TLR3: variants seen among roughly 807,000 people sequenced by gnomAD.
TLR3 encodes toll like receptor 3, also known as toll-like receptor 3.
TLR3 carries 43 observed loss-of-function variants against 66.4 expected under a neutral mutation model. The observed-to-expected ratio is 0.65, with a 90% confidence interval of 0.51 to 0.83. TLR3 has a LOEUF of 0.83. Among genes scored for constraint, TLR3 ranks in the 40% least tolerant of loss-of-function variants. TLR3 has a pLI of 0.00. For synonymous variants in TLR3, 397 were observed against 397.2 expected (o/e 1.00, Z 0.01); for missense variants, 982 against 1,044.6 (o/e 0.94, Z 0.83).
chr4:186,079,201 C>CA (rs1481134060), intron 3 of TLR3, among the ~76,000 whole-genome samples, 170 bp downstream of exon 3: 1 of 152,104 alleles, frequency 6.6e-6, no homozygotes, highest in Non-Finnish European at 1.5e-5. Flanking sequence ...CTCAGGCAGC[C>CA]CCAGGAGAGG....
chr4:186,083,529 T>C lies in TLR3; in HGVS notation c.1843T>C (p.Leu615=). The C allele has an allele frequency of 6.2e-7, 1 of 1,611,478 alleles. No homozygotes were observed. The highest frequency in any genetic ancestry group is 8.5e-7 in the Non-Finnish European group (1 of 1,179,092). Residue 615 remains leucine (L), a synonymous_variant, in exon 4 of 5, where the codon TTG becomes CTG. Coordinates refer to ENST00000296795, the MANE Select transcript of TLR3 (RefSeq NM_003265.3). This position sits in a 1 kb window ranked among gnomAD's most constrained non-coding sequence, Gnocchi z 4.0. ...TAATAATCAGGTGTCTCTAAAGTCA[T>C]TGAACCTTCAGAAGAATCTCATAAC... ...VFNNQVSLKS[L]NLQKNLITSV... is the part of the protein sequence containing the mutation.
intron 2 of TLR3, among the ~76,000 whole-genome samples, 182 bp from the exon 3 acceptor site, chr4:186,078,658 A>G (rs1233055684): frequency 6.6e-6 from 1 of 152,196 alleles, no homozygotes. Context: ...CATCACAAAG[A>G]TTATAACGTA....
Position 186,083,063 on chromosome 4 carries a change from C to T in TLR3, c.1377C>T (p.Phe459=), listed in dbSNP as rs3775290. 0.3 allele frequency: 487,359 copies of T among 1,613,800 alleles called. 74,728 individuals are homozygous for T. Among genetic ancestry groups the T allele is most frequent in the East Asian group, 0.35 (15,865 of 44,856 alleles). The change falls in exon 4 of 5, where the codon TTC becomes TTT. Residue 459 remains phenylalanine (F), a synonymous_variant. Coordinates refer to ENST00000296795, the MANE Select transcript of TLR3 (RefSeq NM_003265.3). This position sits in a 1 kb window ranked among gnomAD's most constrained non-coding sequence, Gnocchi z 4.0. The part of the protein sequence containing the change: ...GQEWRGLENI[F]EIYLSYNKYL... ...AATGGAGAGGTCTAGAAAATATTTTCGAAATCTATCTTTCCTACAACAAGT... is the reference window on the plus strand; with the variant it reads ...AATGGAGAGGTCTAGAAAATATTTTTGAAATCTATCTTTCCTACAACAAGT...
At chr4:186,069,702 TTAGA>T (rs1383336855) in intron 1 of TLR3, among the ~76,000 whole-genome samples, 5 of 152,202 alleles carry the variant, frequency 3.3e-5, no homozygotes, top group Admixed American at 1.3e-4. Context: ...TGACAATGTC[TTAGA>T]TAGGAGAGAA....
At chr4:186,077,432 A>G (rs1441345200) in intron 2 of TLR3, among the ~76,000 whole-genome samples, 1 of 152,200 alleles carries the variant, frequency 6.6e-6, no homozygotes. Context: ...GACTTAAATA[A>G]AATTAACAAA....
rs1377772420 is a variant in TLR3, at chr4:186,087,929, C to G, written c.*3056C>G. The G allele has an allele frequency of 6.6e-6, 1 of 152,064 alleles. No homozygotes were observed. The highest frequency in any genetic ancestry group is 2.4e-5 in the African/African-American group (1 of 41,410). The allele number at this position is 152,064 out of a possible 1,614,324, so 9.4% of individuals were successfully genotyped here. A position where few individuals can be genotyped will look rare whatever the true frequency, so the allele number is the denominator to read the frequency against. On this transcript the variant is annotated 3_prime_UTR_variant, in exon 5 of 5. Transcript: ENST00000296795. ...AGACCTTTTTTGGGTGATGAAAGTG[C>G]TCTATAATTGGGTTATGGTAATAAT...
At position 186,083,323 on chromosome 4, in the gene TLR3, G is replaced by A. The variant is rs1446816702; in HGVS notation, c.1637G>A (p.Trp546Ter). 2 of 1,614,110 alleles carry A rather than the reference G, an allele frequency of 1.2e-6. No homozygotes were observed. The highest frequency in any genetic ancestry group is 1.7e-6 in the Non-Finnish European group (2 of 1,180,024). Residue 546 changes from tryptophan to a stop codon, truncating the protein, a stop_gained, in exon 4 of 5, where the codon TGG (tryptophan) becomes TAG (stop). Transcript: ENST00000296795. LOFTEE classifies it high-confidence loss of function. This position sits in a 1 kb window ranked among gnomAD's most constrained non-coding sequence, Gnocchi z 4.0. ...CAGCATAACAACTTAGCACGGCTCT[G>A]GAAACACGCAAACCCTGGTGGTCCC... ...DLQHNNLARL[W>*]KHANPGGPIY...
In TLR3 at chr4:186,076,650, T is replaced by TG. The variant is rs757908313; in HGVS notation, c.38dup (p.Leu14ProfsTer18). The TG allele has an allele frequency of 6.2e-7, 1 of 1,614,034 alleles. No homozygotes were observed. On this transcript the variant is annotated frameshift_variant, in exon 2 of 5. Transcript: ENST00000296795. LOFTEE classifies it high-confidence loss of function. ...ACAGACTTTGCCTTGTATCTACTTT[T>TG]GGGGGGGCCTTTTGCCCTTTGGGAT...
chr4:186,070,633 C>T (rs890798628), intron 1 of TLR3, among the ~76,000 whole-genome samples: 3 of 151,210 alleles, frequency 2.0e-5, no homozygotes, highest in Admixed American at 1.3e-4. Flanking sequence ...AGGGATCCTC[C>T]AGCCTCAGCT....
chr4:186,083,230 A>G lies in TLR3; in HGVS notation c.1544A>G (p.Asn515Ser). 2 of 1,614,186 alleles carry G rather than the reference A, an allele frequency of 1.2e-6. No individual in the cohort carries two copies. Among genetic ancestry groups the G allele is most frequent in the Non-Finnish European group, 1.7e-6 (2 of 1,180,020 alleles). The change falls in exon 4 of 5, where the codon AAC becomes AGC. Residue 515 changes from asparagine (N) to serine (S), a missense_variant. Asn to Ser is a conservative substitution (Grantham distance 46, BLOSUM62 1). Coordinates refer to ENST00000296795, the MANE Select transcript of TLR3 (RefSeq NM_003265.3). The surrounding 1 kb of genome is among the most constrained non-coding windows in gnomAD (Gnocchi z 4.0). ...LRNLTILDLS[N>S]NNIANINDDM... Reference sequence around the variant, plus strand: ...AACTTGACCATTCTGGATCTAAGCAACAACAACATAGCCAACATAAATGAT... The same window carrying G: ...AACTTGACCATTCTGGATCTAAGCAGCAACAACATAGCCAACATAAATGAT...
At chr4:186,080,245 T>C (rs2099303205) in intron 3 of TLR3, among the ~76,000 whole-genome samples, 1 of 152,110 alleles carries the variant, frequency 6.6e-6, no homozygotes, top group Non-Finnish European at 1.5e-5. Flanking sequence ...GATATTAAGA[T>C]GTTTTGTGCA....
rs1356534115 is a variant in TLR3 at position 186,085,413 on chromosome 4, T to C, written c.*540T>C. The C allele has an allele frequency of 6.5e-6, 1 of 153,450 alleles. No individual in the cohort carries two copies. The highest frequency in any genetic ancestry group is 2.0e-4 in the South Asian group (1 of 4,912). 9.5% of individuals were successfully genotyped at this position (153,450 alleles called of 1,614,324 possible). A position where few individuals can be genotyped will look rare whatever the true frequency, so the allele number is the denominator to read the frequency against. On this transcript the variant is annotated 3_prime_UTR_variant, in exon 5 of 5. Transcript: ENST00000296795. ...GTTAAATGTTAAATATTTTTTAATA[T>C]ACATACCCAAGGGCAGAAAACATTT...
In TLR3 at chr4:186,083,559, G is replaced by A. The variant is rs772808268; in HGVS notation, c.1873G>A (p.Val625Ile). 2.2e-5 allele frequency: 35 copies of A among 1,612,910 alleles called. No individual in the cohort carries two copies. Among genetic ancestry groups the A allele is most frequent in the East Asian group, 6.7e-5 (3 of 44,882 alleles). The part of the protein sequence containing the change: ...LNLQKNLITS[V>I]EKKVFGPAFR... ...CCTTCAGAAGAATCTCATAACATCC[G>A]TTGAGAAGAAGGTTTTCGGGCCAGC... is the stretch of plus-strand genomic sequence containing the variant. Residue 625 changes from valine (V) to isoleucine (I), a missense_variant, in exon 4 of 5, where the codon GTT becomes ATT. This residue lies in a region of TLR3 where 666 missense variants were observed against 709.0 expected (regional missense o/e 0.94). Coordinates refer to ENST00000296795, the MANE Select transcript of TLR3 (RefSeq NM_003265.3). The surrounding 1 kb of genome is among the most constrained non-coding windows in gnomAD (Gnocchi z 4.0).
intron 1 of TLR3, among the ~76,000 whole-genome samples, chr4:186,073,036 C>T (rs183491404): frequency 6.6e-6 from 1 of 152,158 alleles, no homozygotes; most frequent in Admixed American, 6.5e-5. Context: ...TGGGAGGTTT[C>T]GCTCACTGAA....
At chr4:186,071,427 G>T (rs934514518) in intron 1 of TLR3, among the ~76,000 whole-genome samples, 2 of 152,218 alleles carry the variant, frequency 1.3e-5, no homozygotes, top group African/African-American at 2.4e-5. Context: ...AGGAAGTTCT[G>T]AAGGAACTGG....
rs962497425 is a variant in TLR3 at position 186,084,761 on chromosome 4, G to A, written c.2603G>A (p.Arg868Lys). The A allele has an allele frequency of 1.2e-6, 2 of 1,613,936 alleles. No individual in the cohort carries two copies. The highest frequency in any genetic ancestry group is 1.7e-6 in the Non-Finnish European group (2 of 1,179,992). Reference protein sequence around the residue: ...YKLNHALCLRRGMFKSHCILN... With the variant: ...YKLNHALCLRKGMFKSHCILN... The stretch of plus-strand genomic sequence containing the variant: ...CTGAACCATGCACTCTGTTTGCGAA[G>A]AGGAATGTTTAAATCTCACTGCATC... The change falls in exon 5 of 5, where the codon AGA (arginine) becomes AAA (lysine). Residue 868 changes from arginine (R) to lysine (K), a missense_variant. Arg to Lys is a conservative substitution (Grantham distance 26). Coordinates refer to ENST00000296795, the MANE Select transcript of TLR3 (RefSeq NM_003265.3).
Position 186,082,852 on chromosome 4 carries a change from CCTTTA to C in TLR3, c.1168_1172del (p.Phe390LysfsTer8). The C allele has an allele frequency of 6.2e-7, 1 of 1,613,690 alleles. No homozygotes were observed. Among genetic ancestry groups the C allele is most frequent in the East Asian group, 2.2e-5 (1 of 44,868 alleles). ...CTGAAATACTTAAGTCTATCCAACT[CCTTTA>C]CAAGTTTGCGAACTTTGACAAATGA... On this transcript the variant is annotated frameshift_variant, in exon 4 of 5. Coordinates refer to ENST00000296795, the MANE Select transcript of TLR3 (RefSeq NM_003265.3). LOFTEE classifies it high-confidence loss of function.
rs1283056640 is a variant in TLR3, at chr4:186,083,758, T to C, written c.2072T>C (p.Phe691Ser). Residue 691 changes from phenylalanine to serine, a missense_variant, in exon 4 of 5, where the codon TTT becomes TCT. This residue lies in a region of TLR3 where 666 missense variants were observed against 709.0 expected (regional missense o/e 0.94). Coordinates refer to ENST00000296795, the MANE Select transcript of TLR3 (RefSeq NM_003265.3). This position sits in a 1 kb window ranked among gnomAD's most constrained non-coding sequence, Gnocchi z 4.0. ...TATCATGGGTTCCCAGTGAGACTTT[T>C]TGATACATCATCTTGCAAAGACAGT... ...PHYHGFPVRL[F>S]DTSSCKDSAP... 6.2e-7 allele frequency: 1 copy of C among 1,613,852 alleles called. No individual in the cohort carries two copies. The highest frequency in any genetic ancestry group is 8.5e-7 in the Non-Finnish European group (1 of 1,179,986).
chr4:186,076,651 G>T lies in TLR3; in HGVS notation c.32G>T (p.Trp11Leu). MRQTLPCIYF[W>L]GGLLPFGMLC... ...CAGACTTTGCCTTGTATCTACTTTTGGGGGGGCCTTTTGCCCTTTGGGATG... is the reference window on the plus strand; with the variant it reads ...CAGACTTTGCCTTGTATCTACTTTTTGGGGGGCCTTTTGCCCTTTGGGATG... Residue 11 changes from tryptophan to leucine, a missense_variant, in exon 2 of 5, where the codon TGG (tryptophan) becomes TTG (leucine). Physicochemically the swap from Trp to Leu is moderately conservative, Grantham distance 61 (BLOSUM62 -2). Transcript: ENST00000296795. 5 of 1,613,896 alleles carry T rather than the reference G, an allele frequency of 3.1e-6. No individual in the cohort carries two copies. Among genetic ancestry groups the T allele is most frequent in the East Asian group, 2.2e-5 (1 of 44,862 alleles).
Sources: allele counts gnomAD v4.1 joint callset (sites outside exome capture counted in the v4.1 genomes callset), GRCh38; gene constraint gnomAD v4.1.1; regional missense constraint gnomAD v4.1.1; non-coding constraint Gnocchi (gnomAD v3.1); transcripts MANE v1.5; gene names NCBI Gene and HGNC (gene_info 2026-07-23, HGNC 2026-07-21).